FAM135B: variants seen among roughly 807,000 people sequenced by gnomAD.
FAM135B encodes protein FAM135B.
FAM135B carries 43 observed loss-of-function variants against 127.7 expected under a neutral mutation model. That is an observed-to-expected ratio of 0.34 (90% CI 0.26 to 0.43). The LOEUF is 0.43. Among genes scored for constraint, FAM135B ranks in the 20% least tolerant of loss-of-function variants. The pLI, the probability that FAM135B is intolerant of heterozygous loss-of-function variation, is 1.00. For missense variants in FAM135B, 1,558 were observed against 1,725.6 expected (o/e 0.90, Z 1.72); for synonymous variants, 670 against 665.1 (o/e 1.01, Z -0.11).
chr8:138,364,802 T>C (rs1255826460), intron 2 of FAM135B, among the ~76,000 whole-genome samples: 2 of 152,126 alleles, frequency 1.3e-5, no homozygotes, highest in Non-Finnish European at 1.5e-5. Flanking sequence ...GATATAATAA[T>C]CCATGTTTTA....
chr8:138,412,836 C>A (rs769375690), intron 1 of FAM135B, among the ~76,000 whole-genome samples: 1 of 152,174 alleles, frequency 6.6e-6, no homozygotes, highest in African/African-American at 2.4e-5. Context: ...AGCCACCTGG[C>A]AACACTTGCA....
At chr8:138,483,932 CT>C (rs1476557398) in intron 1 of FAM135B, among the ~76,000 whole-genome samples, 2 of 152,152 alleles carry the variant, frequency 1.3e-5, no homozygotes, top group East Asian at 3.9e-4. Flanking sequence ...ATAAAAATAT[CT>C]AGGGGGACAC....
chr8:138,390,445 T>C (rs1832496280), intron 1 of FAM135B, among the ~76,000 whole-genome samples: 1 of 152,004 alleles, frequency 6.6e-6, no homozygotes, highest in South Asian at 2.1e-4. Context: ...TTGTGAGGCC[T>C]CCCCACCCAC....
rs2130484599 is a variant in FAM135B at position 138,132,677 on chromosome 8, G to A, written c.4137C>T (p.Gly1379=). 1 of 1,614,206 alleles carries A rather than the reference G, an allele frequency of 6.2e-7. No individual in the cohort carries two copies. The highest frequency in any genetic ancestry group is 8.5e-7 in the Non-Finnish European group (1 of 1,180,026). Residue 1379 remains glycine, a synonymous_variant, in exon 20 of 20, where the codon GGC becomes GGT. Coordinates refer to ENST00000395297, the MANE Select transcript of FAM135B (RefSeq NM_015912.4). The surrounding 1 kb of genome is among the most constrained non-coding windows in gnomAD (Gnocchi z 4.5). ...ALPNTANTLI[G]RAAHIAVLDS... is the part of the protein sequence containing the mutation. ...CCAGCACAGCGATGTGAGCGGCTCG[G>A]CCGATCAGGGTGTTGGCAGTGTTGG...
At chr8:138,341,316 T>C (rs1302299079) in intron 2 of FAM135B, among the ~76,000 whole-genome samples, 1 of 152,238 alleles carries the variant, frequency 6.6e-6, no homozygotes, top group East Asian at 1.9e-4. Flanking sequence ...CACAAAAGGA[T>C]AAACAAATAC....
At position 138,241,432 on chromosome 8, in the gene FAM135B, T is replaced by C. The variant is rs1380745632; in HGVS notation, c.669+1510A>G. 6.6e-6 allele frequency among the ~76,000 whole-genome samples: 1 copy of C among 152,210 alleles called. No individual in the cohort carries two copies. Among genetic ancestry groups the C allele is most frequent in the Non-Finnish European group, 1.5e-5 (1 of 68,042 alleles). Reference sequence around the variant, plus strand: ...GGCTTCAGGTCCCCTCAGCAGGTTCTTGACAACTCTTTTCTTTGCTTCTCA... The same window carrying C: ...GGCTTCAGGTCCCCTCAGCAGGTTCCTGACAACTCTTTTCTTTGCTTCTCA... On this transcript the variant is annotated intron_variant, in intron 7 of 19. Transcript: ENST00000395297. The surrounding 1 kb of genome is among the most constrained non-coding windows in gnomAD (Gnocchi z 4.8).
intron 2 of FAM135B, among the ~76,000 whole-genome samples, chr8:138,338,587 G>A (rs199746642): frequency 5.9e-4 from 89 of 150,618 alleles, no homozygotes; most frequent in African/African-American, 1.9e-3. Context: ...TTAGAATGGC[G>A]ATCATTAAAA....
intron 9 of FAM135B, among the ~76,000 whole-genome samples, chr8:138,181,706 T>C (rs1815056300): frequency 6.7e-6 from 1 of 149,666 alleles, no homozygotes; most frequent in African/African-American, 2.5e-5. Flanking sequence ...CTTTTTTTTT[T>C]CTCTAAATAA....
chr8:138,232,430 C>T (rs12542156), intron 7 of FAM135B, among the ~76,000 whole-genome samples: 16,544 of 152,084 alleles, frequency 0.11, 1,208 homozygotes, highest in Non-Finnish European at 0.14. Flanking sequence ...TAGACCTTTG[C>T]ATTAAAGAAC....
At chr8:138,426,993 TG>T (rs1192714962) in intron 1 of FAM135B, among the ~76,000 whole-genome samples, 1 of 152,026 alleles carries the variant, frequency 6.6e-6, no homozygotes, top group Non-Finnish European at 1.5e-5. Context: ...CTATTCTATA[TG>T]GCAATTTGGA....
chr8:138,414,238 A>C (rs765433972), intron 1 of FAM135B, among the ~76,000 whole-genome samples: 27 of 151,932 alleles, frequency 1.8e-4, no homozygotes, highest in Non-Finnish European at 7.4e-5. Context: ...ATTATTTTCT[A>C]GGTTGTGACC....
intron 2 of FAM135B, among the ~76,000 whole-genome samples, chr8:138,335,399 A>T (rs1041024629): frequency 2.6e-5 from 4 of 152,200 alleles, no homozygotes; most frequent in African/African-American, 9.7e-5. Flanking sequence ...AACCCTAAAT[A>T]GTCATACAAA....
At chr8:138,420,594 A>G (rs1040665794) in intron 1 of FAM135B, among the ~76,000 whole-genome samples, 12 of 152,108 alleles carry the variant, frequency 7.9e-5, no homozygotes, top group African/African-American at 2.9e-4. Flanking sequence ...ATGTAGATGT[A>G]AAACTCCTAC....
intron 3 of FAM135B, among the ~76,000 whole-genome samples, chr8:138,301,504 G>A (rs888095585): frequency 3.3e-5 from 5 of 151,686 alleles, no homozygotes; most frequent in African/African-American, 4.8e-5. Context: ...TTTTCCTAAC[G>A]GCATGACATT....
At chr8:138,379,413 A>G (rs149284527) in intron 1 of FAM135B, among the ~76,000 whole-genome samples, 1 of 152,290 alleles carries the variant, frequency 6.6e-6, no homozygotes, top group East Asian at 1.9e-4. Context: ...TTTTCAATAT[A>G]TAGTGTATAA....
At chr8:138,298,952 C>T (rs536813997) in intron 3 of FAM135B, among the ~76,000 whole-genome samples, 27 of 151,696 alleles carry the variant, frequency 1.8e-4, no homozygotes, top group Admixed American at 3.3e-4. Context: ...CCCAGCTACT[C>T]GGGAGGCTGA....
At chr8:138,388,883 C>G (rs1400138156) in intron 1 of FAM135B, among the ~76,000 whole-genome samples, 1 of 152,086 alleles carries the variant, frequency 6.6e-6, no homozygotes, top group Non-Finnish European at 1.5e-5. Flanking sequence ...GAGTGCATCC[C>G]AATGTGAACT....
At chr8:138,435,018 C>T (rs905962202) in intron 1 of FAM135B, among the ~76,000 whole-genome samples, 1 of 152,140 alleles carries the variant, frequency 6.6e-6, no homozygotes, top group South Asian at 2.1e-4. Context: ...TGGCTGAAGC[C>T]ACACGCCAGC....
intron 9 of FAM135B, among the ~76,000 whole-genome samples, chr8:138,187,242 G>C (rs1430947156): frequency 1.3e-5 from 2 of 152,204 alleles, no homozygotes; most frequent in Non-Finnish European, 2.9e-5. Context: ...GCTGCTGCTT[G>C]GCCACCAGGC....
Sources: gnomAD v4.1 joint callset for allele counts (sites outside exome capture counted in the v4.1 genomes callset) on GRCh38, gnomAD v4.1.1 for gene constraint, Gnocchi (gnomAD v3.1) non-coding constraint, MANE v1.5 for transcripts, NCBI Gene and HGNC (gene_info 2026-07-23, HGNC 2026-07-21) for gene names.